NAALADL2: variants seen among roughly 807,000 people sequenced by gnomAD.
NAALADL2 encodes the protein N-acetylated alpha-linked acidic dipeptidase like 2.
A neutral mutation model predicts 87.2 loss-of-function variants in NAALADL2; 76 were observed. The observed-to-expected ratio is 0.87, with a 90% CI of 0.72 to 1.05. The LOEUF is 1.05. NAALADL2 is among the 50% of genes least tolerant of loss of function. The pLI is 0.00. For synonymous variants in NAALADL2, 354 were observed against 331.0 expected, an observed-to-expected ratio of 1.07 and a Z score of -0.75; for missense variants, 1,089 against 945.8, an observed-to-expected ratio of 1.15 and a Z score of -1.99.
At chr3:175,052,696 A>G (rs1320245983) in intron 1 of NAALADL2, among the ~76,000 whole-genome samples, 2 of 152,208 alleles carry the variant, frequency 1.3e-5, no homozygotes, top group African/African-American at 4.8e-5. Flanking sequence ...GCAATATCCA[A>G]AAACAAGTTT....
At chr3:175,765,527 A>T (rs972757918) in intron 13 of NAALADL2, among the ~76,000 whole-genome samples, 50 of 152,140 alleles carry the variant, frequency 3.3e-4, no homozygotes, top group Admixed American at 3.3e-4. Flanking sequence ...TTGACAATGA[A>T]ATAAGGATAA....
intron 9 of NAALADL2, among the ~76,000 whole-genome samples, chr3:175,496,911 C>T (rs1728896546): frequency 1.3e-5 from 2 of 151,990 alleles, no homozygotes; most frequent in African/African-American, 4.8e-5. Context: ...GTGCCAAACA[C>T]TTTACACAGA....
intron 11 of NAALADL2, among the ~76,000 whole-genome samples, chr3:175,732,798 A>C (rs16826200): frequency 0.24 from 36,425 of 151,852 alleles, 4,655 homozygotes; most frequent in African/African-American, 0.32. Flanking sequence ...TTGGTTGGTA[A>C]ATTTGGGAGA....
chr3:174,834,257 C>T (rs1051602007), intron 3 of NAALADL2, among the ~76,000 whole-genome samples: 2 of 147,104 alleles, frequency 1.4e-5, no homozygotes, highest in Admixed American at 6.8e-5. Context: ...AAATTTAATG[C>T]CCATTTATCA....
chr3:175,207,750 T>C (rs1219447682), intron 2 of NAALADL2, among the ~76,000 whole-genome samples: 1 of 152,132 alleles, frequency 6.6e-6, no homozygotes, highest in African/African-American at 2.4e-5. Context: ...TCCTTTTATA[T>C]GATGTTTAAA....
At chr3:175,230,024 C>T (rs1333380679) in intron 2 of NAALADL2, among the ~76,000 whole-genome samples, 1 of 151,886 alleles carries the variant, frequency 6.6e-6, no homozygotes, top group East Asian at 1.9e-4. Flanking sequence ...CTCAGACACA[C>T]CCAAACACAT....
rs144185907 is a variant in NAALADL2, at chr3:175,450,913, T to C, written c.1234+3541T>C. Among the ~76,000 whole-genome samples the C allele has an allele frequency of 1.1e-4, 17 of 152,216 alleles. No individual in the cohort carries two copies. The East Asian group carries it at 3.3e-3, about 29-fold the overall frequency. On this transcript the variant is annotated intron_variant, in intron 6 of 13. Transcript: ENST00000454872. ...AACAAGAAACCATGTAGCTCTGGGA[T>C]CTTTCTCTAGCCATCTTAAGACCAT...
chr3:175,018,434 TTTTA>T (rs1163414441), intron 1 of NAALADL2, among the ~76,000 whole-genome samples: 5 of 152,088 alleles, frequency 3.3e-5, no homozygotes, highest in African/African-American at 9.7e-5. Flanking sequence ...GTTATTAATT[TTTTA>T]TTTATACTGC....
intron 9 of NAALADL2, among the ~76,000 whole-genome samples, chr3:175,517,814 C>A (rs558310848): frequency 6.6e-6 from 1 of 152,054 alleles, no homozygotes; most frequent in Admixed American, 6.6e-5. Flanking sequence ...AATTCCAGCC[C>A]GTGGCGGAGT....
chr3:175,221,893 G>A (rs1420483113), intron 2 of NAALADL2, among the ~76,000 whole-genome samples: 1 of 151,882 alleles, frequency 6.6e-6, no homozygotes, highest in African/African-American at 2.4e-5. Context: ...TCCTGCCTCA[G>A]CCTCCCAAGT....
chr3:174,462,212 C>A (rs1003471464), intron 1 of NAALADL2, among the ~76,000 whole-genome samples: 1 of 151,136 alleles, frequency 6.6e-6, no homozygotes, highest in Non-Finnish European at 1.5e-5. Flanking sequence ...CAATGTTATC[C>A]CGTATTTCCA....
intron 1 of NAALADL2, among the ~76,000 whole-genome samples, chr3:174,886,587 T>A (rs1260442196): frequency 6.6e-6 from 1 of 152,194 alleles, no homozygotes; most frequent in Non-Finnish European, 1.5e-5. Context: ...GAGTTAAGAA[T>A]GATTCATTTT....
intron 2 of NAALADL2, among the ~76,000 whole-genome samples, chr3:174,731,509 C>A (rs1471383190): frequency 6.6e-6 from 1 of 152,042 alleles, no homozygotes; most frequent in Non-Finnish European, 1.5e-5. Flanking sequence ...AATATATTTT[C>A]ATAACTTAGA....
chr3:175,577,652 C>A (rs936751853), intron 10 of NAALADL2, among the ~76,000 whole-genome samples: 9 of 152,080 alleles, frequency 5.9e-5, no homozygotes, highest in Non-Finnish European at 1.3e-4. Flanking sequence ...TAACTCCCAC[C>A]ATCAAAATCA....
intron 1 of NAALADL2, among the ~76,000 whole-genome samples, chr3:174,897,795 G>A (rs1731737642): frequency 6.6e-6 from 1 of 152,088 alleles, no homozygotes; most frequent in Non-Finnish European, 1.5e-5. Flanking sequence ...TAAAGAAAAT[G>A]TGGAGTCCTA....
rs1754684537 is a variant in NAALADL2, at chr3:175,806,159, T to C, written c.*2956T>C. 6.6e-6 allele frequency: 1 copy of C among 151,920 alleles called. No individual in the cohort carries two copies. The highest frequency in any genetic ancestry group is 2.4e-5 in the African/African-American group (1 of 41,404). The allele number at this position is 151,920 out of a possible 1,614,324, so 9.4% of individuals were successfully genotyped here. A position where few individuals can be genotyped will look rare whatever the true frequency, so the allele number is the denominator to read the frequency against. On this transcript the variant is annotated 3_prime_UTR_variant, in exon 14 of 14. Coordinates refer to ENST00000454872, the MANE Select transcript of NAALADL2 (RefSeq NM_207015.3). ...ATGTTGCATGGGCTGGAAACACTGC[T>C]TTTAATTCAAGGCTAGTTCATTCTC...
intron 9 of NAALADL2, among the ~76,000 whole-genome samples, chr3:175,565,372 T>G (rs930034078): frequency 6.6e-5 from 10 of 152,318 alleles, no homozygotes; most frequent in African/African-American, 2.2e-4. Context: ...ATTTAGCATA[T>G]TTTGATAATA....
chr3:175,540,802 A>G (rs994709594), intron 9 of NAALADL2, among the ~76,000 whole-genome samples: 1 of 152,168 alleles, frequency 6.6e-6, no homozygotes, highest in Non-Finnish European at 1.5e-5. Context: ...AGTACCATTT[A>G]CTAAATAGGG....
chr3:174,959,670 T>G (rs551286627), intron 1 of NAALADL2, among the ~76,000 whole-genome samples: 2 of 152,190 alleles, frequency 1.3e-5, no homozygotes, highest in Admixed American at 6.6e-5. Context: ...TAGTAATTTC[T>G]TATCTCTAGG....
Sources: allele counts gnomAD v4.1 joint callset (sites outside exome capture counted in the v4.1 genomes callset), GRCh38; gene constraint gnomAD v4.1.1; transcripts MANE v1.5; gene names NCBI Gene and HGNC (gene_info 2026-07-23, HGNC 2026-07-21).